CCDC152: variants seen among roughly 807,000 people sequenced by gnomAD.
CCDC152 encodes coiled-coil domain containing 152, also known as coiled-coil domain-containing protein 152.
A neutral mutation model predicts 38.1 loss-of-function variants in CCDC152; 37 were observed. The ratio of observed to expected loss-of-function variants is 0.97; its 90% CI spans 0.75 to 1.28. The LOEUF is 1.28. CCDC152 is among the 50% of genes most tolerant of loss of function. CCDC152 has a pLI of 0.00. For synonymous variants in CCDC152, 83 were observed against 87.1 expected (o/e 0.95, Z 0.26); for missense variants, 259 against 292.1 (o/e 0.89, Z 0.83).
rs138814642 is a variant in CCDC152 at position 42,798,989 on chromosome 5, C to T, written c.559-386C>T. On this transcript the variant is annotated intron_variant, in intron 7 of 8. Coordinates refer to ENST00000361970, the MANE Select transcript of CCDC152 (RefSeq NM_001134848.2). ...TTTCTTTATAATACACTCATTTTAA[C>T]GTAAAAATATTTTTACCTATATTTA... Among the ~76,000 whole-genome samples the T allele has an allele frequency of 2.1e-3, 326 of 152,132 alleles. 3 individuals carry two copies. Among genetic ancestry groups the T allele is most frequent in the African/African-American group, 7.4e-3 (306 of 41,512 alleles).
chr5:42,788,870 C>T (rs1314739603), intron 6 of CCDC152, among the ~76,000 whole-genome samples: 1 of 152,112 alleles, frequency 6.6e-6, no homozygotes, highest in Admixed American at 6.5e-5. Context: ...GCAGGTTCCC[C>T]GTACTTGCCA....
rs1760084197 is a variant in CCDC152 at position 42,796,957 on chromosome 5, G to A, written c.558+1G>A. ...TGAAATAATCAAGCTACAACTAGAA[G>A]TAAGTGTTTAAGAGTCTGCTAAACT... is the stretch of plus-strand genomic sequence containing the variant. On this transcript the variant is annotated splice_donor_variant, in intron 7 of 8. Coordinates refer to ENST00000361970, the MANE Select transcript of CCDC152 (RefSeq NM_001134848.2). LOFTEE classifies it high-confidence loss of function. The A allele has an allele frequency of 6.6e-7, 1 of 1,514,506 alleles. No individual in the cohort carries two copies. The highest frequency in any genetic ancestry group is 8.8e-7 in the Non-Finnish European group (1 of 1,133,124). The allele number at this position is 1,514,506 out of a possible 1,614,324, so 93.8% of individuals were successfully genotyped here. A position where few individuals can be genotyped will look rare whatever the true frequency, so the allele number is the denominator to read the frequency against.
At chr5:42,762,318 T>C (rs2972783) in intron 2 of CCDC152, 125 bp from the exon 3 acceptor site, 258,946 of 594,066 alleles carry the variant, frequency 0.44, 57,352 homozygotes, top group East Asian at 0.58. Flanking sequence ...TGACTGTATA[T>C]GTATTTTTTT....
At chr5:42,797,615 T>A (rs919318262) in intron 7 of CCDC152, among the ~76,000 whole-genome samples, 18 of 152,316 alleles carry the variant, frequency 1.2e-4, no homozygotes, top group African/African-American at 4.1e-4. Context: ...CATTCCAGCA[T>A]GGGAAGAATG....
chr5:42,796,590 A>C (rs1463799194), intron 6 of CCDC152, among the ~76,000 whole-genome samples: 1 of 152,196 alleles, frequency 6.6e-6, no homozygotes, highest in Non-Finnish European at 1.5e-5. Context: ...TTGATGTTTA[A>C]TAGTTTAAAT....
At chr5:42,762,943 T>C (rs537892454) in intron 3 of CCDC152, among the ~76,000 whole-genome samples, 241 of 152,298 alleles carry the variant, frequency 1.6e-3, no homozygotes, top group African/African-American at 5.6e-3. Context: ...AATGAATCTG[T>C]ACACATATAT....
intron 6 of CCDC152, among the ~76,000 whole-genome samples, chr5:42,794,317 C>T (rs74800248): frequency 0.012 from 1,837 of 152,244 alleles, 46 homozygotes; most frequent in African/African-American, 0.043. Context: ...AATGACATGA[C>T]GACCTGCAGG....
chr5:42,794,875 C>CT (rs1760053627), intron 6 of CCDC152, among the ~76,000 whole-genome samples: 1 of 151,896 alleles, frequency 6.6e-6, no homozygotes, highest in African/African-American at 2.4e-5. Flanking sequence ...GCCATAAACT[C>CT]TAAGATAACC....
chr5:42,770,977 A>G (rs1759690571), intron 4 of CCDC152, among the ~76,000 whole-genome samples: 1 of 152,146 alleles, frequency 6.6e-6, no homozygotes, highest in South Asian at 2.1e-4. Flanking sequence ...TTGATTTTGT[A>G]TACTGCAACT....
intron 6 of CCDC152, among the ~76,000 whole-genome samples, chr5:42,788,604 G>A (rs982588886): frequency 1.3e-5 from 2 of 152,008 alleles, no homozygotes; most frequent in African/African-American, 4.8e-5. Context: ...AAATATTTTT[G>A]CCATTTGCTT....
At chr5:42,775,004 A>G (rs2111557285) in intron 4 of CCDC152, among the ~76,000 whole-genome samples, 1 of 148,192 alleles carries the variant, frequency 6.7e-6, no homozygotes, top group Non-Finnish European at 1.5e-5. Flanking sequence ...GTCAATAGAA[A>G]CTTCCGAAAC....
chr5:42,797,314 T>C (rs570291035), intron 7 of CCDC152, among the ~76,000 whole-genome samples: 1 of 152,332 alleles, frequency 6.6e-6, no homozygotes, highest in Admixed American at 6.5e-5. Flanking sequence ...GGCCCAACAC[T>C]AGGTGAGAGA....
chr5:42,800,520 T>C lies in CCDC152; in HGVS notation c.*739T>C. 1 of 582,692 alleles carries C rather than the reference T, an allele frequency of 1.7e-6. No individual in the cohort carries two copies. The highest frequency in any genetic ancestry group is 2.8e-6 in the Non-Finnish European group (1 of 352,242). The allele number at this position is 582,692 out of a possible 1,614,324, so 36.1% of individuals were successfully genotyped here. ...ACCAAAAGCTGCAATCACCTTTCAGTTGCTCCATCATAAAAAATATGGTTT... is the reference window on the plus strand; with the variant it reads ...ACCAAAAGCTGCAATCACCTTTCAGCTGCTCCATCATAAAAAATATGGTTT... On this transcript the variant is annotated 3_prime_UTR_variant, in exon 9 of 9. Coordinates refer to ENST00000361970, the MANE Select transcript of CCDC152 (RefSeq NM_001134848.2).
intron 3 of CCDC152, among the ~76,000 whole-genome samples, chr5:42,763,283 A>G (rs754106344): frequency 6.6e-6 from 1 of 152,254 alleles, no homozygotes; most frequent in Non-Finnish European, 1.5e-5. Context: ...AAAGTATAAA[A>G]TAAACATCCA....
At chr5:42,763,095 C>T (rs1396420391) in intron 3 of CCDC152, among the ~76,000 whole-genome samples, 1 of 152,046 alleles carries the variant, frequency 6.6e-6, no homozygotes, top group East Asian at 1.9e-4. Flanking sequence ...CTGATTATAG[C>T]ACTGGGGCAG....
chr5:42,778,096 T>C (rs1579713619), intron 4 of CCDC152, among the ~76,000 whole-genome samples: 1 of 152,210 alleles, frequency 6.6e-6, no homozygotes, highest in Non-Finnish European at 1.5e-5. Context: ...GAGGGGAAAT[T>C]GTAATAGGAT....
intron 6 of CCDC152, among the ~76,000 whole-genome samples, chr5:42,788,899 G>A (rs1043172846): frequency 6.6e-6 from 1 of 152,124 alleles, no homozygotes. Context: ...GCAGCTTGTG[G>A]GGTATATTTG....
rs1409228107 is a variant in CCDC152 at position 42,783,994 on chromosome 5, G to A, written c.430+418G>A. ...CATTTTCTTTATCCAATCCATCATT[G>A]ATGTGCACTTAGGTTAATTTCATGA... On this transcript the variant is annotated intron_variant, in intron 6 of 8. Coordinates refer to ENST00000361970, the MANE Select transcript of CCDC152 (RefSeq NM_001134848.2). 2.0e-5 allele frequency among the ~76,000 whole-genome samples: 3 copies of A among 152,200 alleles called. No individual in the cohort carries two copies. The East Asian group carries it at 5.8e-4, about 29-fold the overall frequency.
Position 42,762,524 on chromosome 5 carries a change from G to C in CCDC152, c.169G>C (p.Ala57Pro). The C allele has an allele frequency of 6.5e-7, 1 of 1,529,258 alleles. No individual in the cohort carries two copies. Among genetic ancestry groups the C allele is most frequent in the Non-Finnish European group, 8.9e-7 (1 of 1,126,932 alleles). The allele number at this position is 1,529,258 out of a possible 1,614,324, so 94.7% of individuals were successfully genotyped here. A position where few individuals can be genotyped will look rare whatever the true frequency, so the allele number is the denominator to read the frequency against. ...TAATTGCCTATTAAAAGTAATGCAA[G>C]CAAAGGAGGTCTCCATTAAAGAAGG... ...KSNCLLKVMQ[A>P]KEVSIKEECA... Residue 57 changes from alanine to proline, a missense_variant, in exon 3 of 9, where the codon GCA becomes CCA. Transcript: ENST00000361970.
Sources: allele counts gnomAD v4.1 joint callset (sites outside exome capture counted in the v4.1 genomes callset), GRCh38; gene constraint gnomAD v4.1.1; transcripts MANE v1.5; gene names NCBI Gene and HGNC (gene_info 2026-07-23, HGNC 2026-07-21).